Variants in PDE11A observed in about 807,000 individuals in gnomAD.
PDE11A encodes phosphodiesterase 11A, also known as dual 3',5'-cyclic-AMP and -GMP phosphodiesterase 11A.
In PDE11A, 100 loss-of-function variants were observed where a neutral mutation model predicts 100.5. That is an observed-to-expected ratio of 1.00 (90% CI 0.85 to 1.18). PDE11A has a LOEUF of 1.18. PDE11A is among the 50% of genes most tolerant of loss of function. The pLI is 0.00. For synonymous variants in PDE11A, 381 were observed against 420.8 expected (o/e 0.91, Z 1.16); for missense variants, 1,141 against 1,152.6 (o/e 0.99, Z 0.15).
chr2:177,857,604 G>A (rs148995328), intron 5 of PDE11A, among the ~76,000 whole-genome samples: 221 of 152,046 alleles, frequency 1.5e-3, no homozygotes, highest in African/African-American at 5.1e-3. Context: ...AAAGAAGGCA[G>A]TAAAGAAGGA....
rs190251094 is a variant in PDE11A, at chr2:178,079,921, G to A, written c.162+24381C>T. Among the ~76,000 whole-genome samples the A allele has an allele frequency of 2.4e-4, 36 of 152,236 alleles. 1 individual carries two copies. The highest frequency in any genetic ancestry group is 8.7e-4 in the African/African-American group (36 of 41,546). On this transcript the variant is annotated intron_variant, in intron 2 of 20. Coordinates refer to the PDE11A transcript ENST00000358450. ...CAGTGATGTTTAACATTTTTCATATGTTTGTTGGGCACATGAATGTCTTCT... is the reference window on the plus strand; with the variant it reads ...CAGTGATGTTTAACATTTTTCATATATTTGTTGGGCACATGAATGTCTTCT...
chr2:177,773,529 C>A (rs1479412443), intron 9 of PDE11A, among the ~76,000 whole-genome samples: 2 of 152,100 alleles, frequency 1.3e-5, no homozygotes. Context: ...AGACCTAAAG[C>A]TTTTTTGGAT....
intron 4 of PDE11A, among the ~76,000 whole-genome samples, chr2:177,895,509 G>A (rs534727060): frequency 4.6e-5 from 7 of 150,968 alleles, no homozygotes; most frequent in African/African-American, 1.2e-4. Flanking sequence ...AGCTGAGATC[G>A]CGCCATTGCA....
At chr2:177,822,291 C>A (rs1050054634) in intron 6 of PDE11A, among the ~76,000 whole-genome samples, 2 of 147,838 alleles carry the variant, frequency 1.4e-5, no homozygotes, top group African/African-American at 5.0e-5. Flanking sequence ...GTCAAAATTT[C>A]TTTTTTTTTT....
chr2:178,003,016 A>G (rs1326045256), intron 2 of PDE11A, among the ~76,000 whole-genome samples: 3 of 152,152 alleles, frequency 2.0e-5, no homozygotes, highest in African/African-American at 7.2e-5. Flanking sequence ...CTTCACACTC[A>G]CTAGAATAGC....
chr2:177,912,801 G>A (rs1028550200), intron 2 of PDE11A, among the ~76,000 whole-genome samples: 1 of 151,986 alleles, frequency 6.6e-6, no homozygotes, highest in Non-Finnish European at 1.5e-5. Context: ...AGCCAAATAG[G>A]CTAATCCTAT....
intron 2 of PDE11A, among the ~76,000 whole-genome samples, chr2:178,102,646 C>T (rs1474011459): frequency 6.6e-6 from 1 of 151,752 alleles, no homozygotes; most frequent in Non-Finnish European, 1.5e-5. Context: ...ATCAAGTAAT[C>T]CTCCTGGCCT....
chr2:178,081,788 G>GT lies in PDE11A; in HGVS notation c.162+22513dup, dbSNP rs139201535. Among the ~76,000 whole-genome samples, 406 of 152,306 alleles carry GT rather than the reference G, an allele frequency of 2.7e-3. 2 individuals carry two copies. The highest frequency in any genetic ancestry group is 8.8e-3 in the African/African-American group (365 of 41,578). Reference sequence around the variant, plus strand: ...TGATTTTCTTTCAACATTTGCACAAGTAATTTTTTTAAAAATTATTAAAAG... The same window carrying GT: ...TGATTTTCTTTCAACATTTGCACAAGTTAATTTTTTTAAAAATTATTAAAAG... On this transcript the variant is annotated intron_variant, in intron 2 of 20. Coordinates refer to the PDE11A transcript ENST00000358450.
chr2:177,841,815 G>A (rs2083495269), intron 5 of PDE11A, among the ~76,000 whole-genome samples: 1 of 152,040 alleles, frequency 6.6e-6, no homozygotes, highest in African/African-American at 2.4e-5. Context: ...GTTCTTAGAT[G>A]GCACCTAAAT....
intron 19 of PDE11A, among the ~76,000 whole-genome samples, chr2:177,660,031 T>TC (rs1553535182): frequency 8.0e-6 from 1 of 125,544 alleles, no homozygotes; most frequent in Non-Finnish European, 1.7e-5. Context: ...GTTACAATCA[T>TC]TTTCTTTCTT....
At chr2:177,722,194 G>C (rs1212634852) in intron 12 of PDE11A, among the ~76,000 whole-genome samples, 1 of 152,122 alleles carries the variant, frequency 6.6e-6, no homozygotes, top group East Asian at 1.9e-4. Flanking sequence ...ATACATTTAC[G>C]TATAAGCCTA....
intron 4 of PDE11A, 111 bp downstream of exon 4, chr2:177,897,947 A>T: frequency 1.1e-6 from 1 of 907,402 alleles, no homozygotes; most frequent in East Asian, 2.4e-5. Context: ...CCCATGGTTG[A>T]AGAGTCACGA....
intron 1 of PDE11A, among the ~76,000 whole-genome samples, chr2:178,025,364 T>A (rs2086465927): frequency 6.6e-6 from 1 of 152,222 alleles, no homozygotes; most frequent in Admixed American, 6.5e-5. Context: ...TAATTTGATA[T>A]GAAGTTTCAA....
At chr2:177,638,248 C>G (rs577829560) in intron 19 of PDE11A, among the ~76,000 whole-genome samples, 4 of 152,062 alleles carry the variant, frequency 2.6e-5, no homozygotes, top group Admixed American at 2.6e-4. Flanking sequence ...ATCCACCTGC[C>G]TCGCCCTCCC....
intron 7 of PDE11A, among the ~76,000 whole-genome samples, chr2:177,819,868 T>TTCTCTCTC (rs34374310): frequency 2.4e-4 from 33 of 139,186 alleles, no homozygotes; most frequent in African/African-American, 8.1e-4. Flanking sequence ...CTTTCTCTCT[T>TTCTCTCTC]TCTCTCTCTC....
At chr2:177,979,091 A>AAGG in intron 2 of PDE11A, among the ~76,000 whole-genome samples, 1 of 142,812 alleles carries the variant, frequency 7.0e-6, no homozygotes, top group African/African-American at 2.6e-5. Context: ...AAAAAAAAAA[A>AAGG]AAAGAAAGAA....
intron 10 of PDE11A, among the ~76,000 whole-genome samples, chr2:177,767,992 C>T (rs2082261816): frequency 6.6e-6 from 1 of 152,126 alleles, no homozygotes; most frequent in South Asian, 2.1e-4. Flanking sequence ...CAGCTGTCAC[C>T]TCTTGGTGGC....
intron 19 of PDE11A, among the ~76,000 whole-genome samples, chr2:177,660,099 C>CTTTCTTTCTTTCTT (rs1553535225): frequency 4.7e-5 from 2 of 42,282 alleles, no homozygotes; most frequent in African/African-American, 1.3e-4. Flanking sequence ...TTCTTTCTTT[C>CTTTCTTTCTTTCTT]TCTCTCTCTC....
chr2:177,726,569 G>A (rs1188826681), intron 12 of PDE11A, among the ~76,000 whole-genome samples: 1 of 151,866 alleles, frequency 6.6e-6, no homozygotes, highest in Admixed American at 6.6e-5. Flanking sequence ...TTGATGATTT[G>A]GGAGAAAGGG....
Sources: gnomAD v4.1 joint callset for allele counts (sites outside exome capture counted in the v4.1 genomes callset) on GRCh38, gnomAD v4.1.1 for gene constraint, MANE v1.5 for transcripts, NCBI Gene and HGNC (gene_info 2026-07-23, HGNC 2026-07-21) for gene names.